SPG7: variants seen among roughly 807,000 people sequenced by gnomAD.
The protein encoded by SPG7 is SPG7 matrix AAA peptidase subunit, paraplegin.
SPG7 carries 103 observed loss-of-function variants against 81.9 expected under a neutral mutation model. The observed-to-expected ratio is 1.26, with a 90% confidence interval of 1.07 to 1.48. The LOEUF is 1.48. Among genes scored for constraint, SPG7 ranks in the 40% most tolerant of loss-of-function variants. The pLI is 0.00. For synonymous variants in SPG7, 534 were observed against 444.2 expected (o/e 1.20, Z -2.54); for missense variants, 1,241 against 1,087.3 (o/e 1.14, Z -1.99).
intron 12 of SPG7, chr16:89,548,935 AC>A: frequency 4.4e-6 from 2 of 454,252 alleles, no homozygotes; most frequent in South Asian, 3.1e-5. Context: ...CGAGTTCCTC[AC>A]CCTCAATTCG....
At chr16:89,554,239 C>G (rs1273154201) in intron 15 of SPG7, among the ~76,000 whole-genome samples, 1 of 137,966 alleles carries the variant, frequency 7.2e-6, no homozygotes, top group East Asian at 2.6e-4. Flanking sequence ...GTCCTTCAGA[C>G]TGGGCCAGGA....
intron 11 of SPG7, chr16:89,547,780 T>C: frequency 2.0e-6 from 1 of 493,476 alleles, no homozygotes; most frequent in South Asian, 2.0e-5. Context: ...GCCCGGCTAA[T>C]TTTTGTATTT....
intron 11 of SPG7, 70 bp from the exon 12 acceptor site, chr16:89,547,933 G>C: frequency 8.6e-7 from 1 of 1,163,516 alleles, no homozygotes; most frequent in South Asian, 1.2e-5. Flanking sequence ...TCCCTTGAGG[G>C]CCCCTTCCTC....
chr16:89,513,272 C>G (rs1489178746), intron 3 of SPG7, among the ~76,000 whole-genome samples: 1 of 152,146 alleles, frequency 6.6e-6, no homozygotes, highest in Admixed American at 6.6e-5. Flanking sequence ...TGGTGGCTCA[C>G]ACCTGTAATC....
chr16:89,520,408 G>C (rs1597615686), intron 3 of SPG7: 1 of 188,614 alleles, frequency 5.3e-6, no homozygotes. Flanking sequence ...TTGTTTGTTT[G>C]TTTTGAGATG....
At chr16:89,537,693 C>A (rs1375217270) in intron 9 of SPG7, 26 of 981,692 alleles carry the variant, frequency 2.6e-5, no homozygotes, top group Non-Finnish European at 2.7e-5. Flanking sequence ...TTTTTTCAGT[C>A]TGTGAAAAAT....
chr16:89,545,082 C>T, intron 10 of SPG7: 3 of 423,698 alleles, frequency 7.1e-6, no homozygotes, highest in South Asian at 4.2e-5. Context: ...TCCTGGGTAT[C>T]AGTCTGGTTT....
intron 7 of SPG7, 163 bp from the exon 8 acceptor site, chr16:89,531,741 G>T (rs2058344940): frequency 4.3e-6 from 3 of 702,572 alleles, no homozygotes; most frequent in Non-Finnish European, 7.6e-6. Context: ...TACTCGAGAG[G>T]CTGAGGTGAG....
At chr16:89,543,270 C>CGGGTCCTGTTCTTACATTAGTCACGGT (rs1567925030) in intron 9 of SPG7, 10 of 148,296 alleles carry the variant, frequency 6.7e-5, no homozygotes, top group Middle Eastern at 3.4e-3. Context: ...ACATTAGTCA[C>CGGGTCCTGTTCTTACATTAGTCACGGT]GGGTCCTGTT....
At chr16:89,526,593 G>T (rs2058263435) in intron 5 of SPG7, 125 bp downstream of exon 5, 2 of 997,234 alleles carry the variant, frequency 2.0e-6, no homozygotes, top group Non-Finnish European at 3.2e-6. Flanking sequence ...TTTAGTGGGA[G>T]GGTTAAATAA....
chr16:89,554,010 A>G, intron 15 of SPG7, 50 bp downstream of exon 15: 1 of 1,587,250 alleles, frequency 6.3e-7, no homozygotes, highest in Non-Finnish European at 8.6e-7. Flanking sequence ...CCGGGGAGGG[A>G]GTCCCTGGGT....
chr16:89,510,441 C>T (rs890892626), intron 1 of SPG7, 49 bp from the exon 2 acceptor site: 1 of 1,167,436 alleles, frequency 8.6e-7, no homozygotes, highest in East Asian at 2.3e-5. Context: ...TGCTTTGGTA[C>T]TCTCTAATGT....
At chr16:89,511,739 TTTA>T (rs972251304) in intron 2 of SPG7, among the ~76,000 whole-genome samples, 5 of 152,304 alleles carry the variant, frequency 3.3e-5, no homozygotes, top group South Asian at 2.1e-4. Flanking sequence ...TTTATTATTT[TTTA>T]TTATTATTTG....
chr16:89,553,126 G>A lies in SPG7; in HGVS notation c.1927G>A (p.Val643Ile), dbSNP rs778965259. 1.2e-5 allele frequency: 19 copies of A among 1,607,852 alleles called. No individual in the cohort carries two copies. Among genetic ancestry groups the A allele is most frequent in the South Asian group, 7.8e-5 (7 of 90,010 alleles). ...RASEALSFNE[V>I]TSGAQDDLRK... Reference sequence around the variant, plus strand: ...CTCGGAAGCACTGTCCTTCAACGAGGTCACTTCTGGTGAGGAGCAGCGGCG... The same window carrying A: ...CTCGGAAGCACTGTCCTTCAACGAGATCACTTCTGGTGAGGAGCAGCGGCG... The change falls in exon 14 of 17, where the codon GTC (valine) becomes ATC (isoleucine). Residue 643 changes from valine to isoleucine, a missense_variant. Coordinates refer to ENST00000645818, the MANE Select transcript of SPG7 (RefSeq NM_003119.4).
rs749965939 is a variant in SPG7 at position 89,512,945 on chromosome 16, T to C, written c.287-3T>C. 6.2e-7 allele frequency: 1 copy of C among 1,613,090 alleles called. No homozygotes were observed. ...TGTTAAATCCTTTCTCTATTTCTCATAGGTGGTACTTTCTATTTTAACACC... is the reference window on the plus strand; with the variant it reads ...TGTTAAATCCTTTCTCTATTTCTCACAGGTGGTACTTTCTATTTTAACACC... On this transcript the variant is annotated splice_region_variant and splice_polypyrimidine_tract_variant and intron_variant, in intron 2 of 16. Transcript: ENST00000645818.
Position 89,529,784 on chromosome 16 carries a change from C to A in SPG7, c.861+205C>A, listed in dbSNP as rs574024556. ...CAATGTTGCCTGAGGGCCTCTCACCCCTAACTCTGGGGTGCCTGAGCCTTG... is the reference window on the plus strand; with the variant it reads ...CAATGTTGCCTGAGGGCCTCTCACCACTAACTCTGGGGTGCCTGAGCCTTG... On this transcript the variant is annotated intron_variant, in intron 6 of 16. Transcript: ENST00000645818. 12 of 634,780 alleles carry A rather than the reference C, an allele frequency of 1.9e-5. No individual in the cohort carries two copies. The African/African-American group carries it at 2.0e-4, about 10-fold the overall frequency. The allele number at this position is 634,780 out of a possible 1,614,324, so 39.3% of individuals were successfully genotyped here. A position where few individuals can be genotyped will look rare whatever the true frequency, so the allele number is the denominator to read the frequency against.
chr16:89,545,214 C>T (rs2058547620), intron 10 of SPG7: 1 of 312,618 alleles, frequency 3.2e-6, no homozygotes, highest in Non-Finnish European at 6.3e-6. Flanking sequence ...TGCAGCTGCC[C>T]TGAAATTGGG....
rs1688188790 is a variant in SPG7, at chr16:89,545,295, C to T, written c.1449+523C>T. ...CACAGGGCTCTGGTTGGACGTTACA[C>T]TTCCTGGCCAAAGGGCCTTTGTTGC... On this transcript the variant is annotated intron_variant, in intron 10 of 16. Transcript: ENST00000645818. The T allele has an allele frequency of 1.3e-5, 3 of 238,900 alleles. No individual in the cohort carries two copies. In the Admixed American group the frequency reaches 1.6e-4, roughly 12 times the overall value. The allele number at this position is 238,900 out of a possible 1,614,324, so 14.8% of individuals were successfully genotyped here.
At chr16:89,525,932 C>A (rs1043661548) in intron 4 of SPG7, among the ~76,000 whole-genome samples, 3 of 152,114 alleles carry the variant, frequency 2.0e-5, no homozygotes, top group Admixed American at 6.5e-5. Flanking sequence ...TTGCAGACAT[C>A]CCTCCATTTC....
Sources: gnomAD v4.1 joint callset for allele counts (sites outside exome capture counted in the v4.1 genomes callset) on GRCh38, gnomAD v4.1.1 for gene constraint, MANE v1.5 for transcripts, NCBI Gene and HGNC (gene_info 2026-07-23, HGNC 2026-07-21) for gene names.